The following CEP250 variants were observed in gnomAD, a reference collection of about 807,000 sequenced individuals.
CEP250 encodes the protein centrosome-associated protein CEP250.
A neutral mutation model predicts 315.7 loss-of-function variants in CEP250; 242 were observed. The ratio of observed to expected loss-of-function variants is 0.77; its 90% CI spans 0.69 to 0.85. The LOEUF is 0.85. Among genes scored for constraint, CEP250 ranks in the 40% least tolerant of loss-of-function variants. The pLI is 0.00. For synonymous variants in CEP250, 1,088 were observed against 1,175.0 expected (o/e 0.93, Z 1.51); for missense variants, 2,515 against 2,886.4 (o/e 0.87, Z 2.95).
intron 14 of CEP250, chr20:35,474,711 A>AT: frequency 2.2e-6 from 1 of 456,842 alleles, no homozygotes; most frequent in Non-Finnish European, 4.6e-6. Context: ...AAGGACTTTG[A>AT]GCTAGGCAGA....
At chr20:35,493,697 G>A (rs1601255848) in intron 23 of CEP250, 125 bp downstream of exon 23, 1 of 805,250 alleles carries the variant, frequency 1.2e-6, no homozygotes, top group Non-Finnish European at 1.8e-6. Flanking sequence ...AGATGGGTGG[G>A]CCACAGTACT....
chr20:35,472,568 C>T (rs1162194977), intron 11 of CEP250, 105 bp from the exon 12 acceptor site: 6 of 1,169,726 alleles, frequency 5.1e-6, no homozygotes, highest in Non-Finnish European at 7.5e-6. Context: ...GGGGAGAGGA[C>T]CTGAGAAGGA....
chr20:35,508,255 C>A, intron 32 of CEP250, 65 bp downstream of exon 32: 1 of 1,551,994 alleles, frequency 6.4e-7, no homozygotes, highest in Non-Finnish European at 8.8e-7. Flanking sequence ...AGAGCATAGG[C>A]TCAGTAAATT....
intron 17 of CEP250, 105 bp from the exon 18 acceptor site, chr20:35,479,126 G>C (rs1341927408): frequency 3.5e-6 from 4 of 1,128,028 alleles, no homozygotes; most frequent in African/African-American, 1.6e-5. Context: ...CGGGCTCACA[G>C]AGCTGGGTCC....
chr20:35,477,835 T>C, intron 16 of CEP250, 36 bp from the exon 17 acceptor site: 1 of 1,505,520 alleles, frequency 6.6e-7, no homozygotes, highest in Non-Finnish European at 9.0e-7. Flanking sequence ...CCATTTGTCT[T>C]TGATGCTTGT....
chr20:35,509,552 A>G (rs927385215), intron 33 of CEP250, among the ~76,000 whole-genome samples: 1 of 152,218 alleles, frequency 6.6e-6, no homozygotes, highest in Non-Finnish European at 1.5e-5. Context: ...ATCCCTGCCA[A>G]CAGACACAGG....
At chr20:35,476,670 G>A (rs554285469) in intron 16 of CEP250, 75 bp downstream of exon 16, 2 of 1,318,932 alleles carry the variant, frequency 1.5e-6, no homozygotes, top group African/African-American at 1.5e-5. Flanking sequence ...GCTCCCAAAT[G>A]TAGGTCTGAA....
At position 35,511,876 on chromosome 20, in the gene CEP250, G is replaced by A. The variant is rs778543141; in HGVS notation, c.*250G>A. 27 of 1,326,696 alleles carry A rather than the reference G, an allele frequency of 2.0e-5. No homozygotes were observed. The Middle Eastern group carries it at 1.1e-3, about 55-fold the overall frequency. 82.2% of individuals were successfully genotyped at this position (1,326,696 alleles called of 1,614,324 possible). On this transcript the variant is annotated 3_prime_UTR_variant, in exon 35 of 35. Transcript: ENST00000397527. ...CAGAGGGGTGCCTTGCCCTGGCTGA[G>A]GGACATGTACTGCCTCTCATCTAGA...
In CEP250 at chr20:35,482,381, C is replaced by A. The variant is rs544518826; in HGVS notation, c.2586+2236C>A. On this transcript the variant is annotated intron_variant, in intron 20 of 34. Coordinates refer to ENST00000397527, the MANE Select transcript of CEP250 (RefSeq NM_007186.6). ...AAGTAGCTGAGACCACAGGCGCTCA[C>A]CACCATGCCCGGCTAATTTTTTGTA... Among the ~76,000 whole-genome samples, 78 of 152,088 alleles carry A rather than the reference C, an allele frequency of 5.1e-4. 5 individuals are homozygous for A. The South Asian group carries it at 0.016, about 31-fold the overall frequency.
In CEP250 at chr20:35,511,494, C is replaced by T. The variant is rs769145886; in HGVS notation, c.7197C>T (p.Ala2399=). The T allele has an allele frequency of 2.5e-6, 4 of 1,614,070 alleles. No individual in the cohort carries two copies. Among genetic ancestry groups the T allele is most frequent in the Non-Finnish European group, 2.5e-6 (3 of 1,180,038 alleles). The change falls in exon 35 of 35, where the codon GCC becomes GCT. Residue 2399 remains alanine, a synonymous_variant. Coordinates refer to ENST00000397527, the MANE Select transcript of CEP250 (RefSeq NM_007186.6). ...TCTCACACTCACTTCTTGCCGTGGC[C>T]CAGGCCCCTGAGGCCACTGTCCTGG... ...HSLSHSLLAV[A]QAPEATVLEA...
chr20:35,494,373 A>T, intron 23 of CEP250, 151 bp from the exon 24 acceptor site: 1 of 987,144 alleles, frequency 1.0e-6, no homozygotes, highest in Non-Finnish European at 1.5e-6. Context: ...GTGGTTAAGA[A>T]CAGTGTGTAG....
intron 34 of CEP250, 134 bp from the exon 35 acceptor site, chr20:35,511,229 T>C (rs1036596476): frequency 2.8e-6 from 2 of 710,152 alleles, no homozygotes; most frequent in Non-Finnish European, 4.7e-6. Context: ...AGCCTGTTTC[T>C]GAGATTCGTG....
intron 2 of CEP250, among the ~76,000 whole-genome samples, chr20:35,459,558 G>A (rs2062708921): frequency 6.6e-6 from 1 of 151,928 alleles, no homozygotes; most frequent in Non-Finnish European, 1.5e-5. Context: ...TGGACCAGGG[G>A]GTGGCTGTCT....
intron 22 of CEP250, among the ~76,000 whole-genome samples, chr20:35,492,852 C>G (rs1197473935): frequency 6.6e-6 from 1 of 152,080 alleles, no homozygotes; most frequent in Admixed American, 6.6e-5. Context: ...CTCAGCCTCC[C>G]AAGTAGCTGG....
intron 30 of CEP250, among the ~76,000 whole-genome samples, chr20:35,505,794 C>G (rs2064170495): frequency 6.6e-6 from 1 of 150,816 alleles, no homozygotes; most frequent in African/African-American, 2.4e-5. Context: ...TTGCATGGGA[C>G]AGAGGGAGGA....
chr20:35,504,281 G>T lies in CEP250; in HGVS notation c.5912G>T (p.Gly1971Val). ...ARAEALQEAL[G>V]KAHAALQGKE... ...GCTGAGGCTCTGCAGGAGGCCCTTG[G>T]CAAGGCTCATGCTGCCCTGCAGGGG... Residue 1971 changes from glycine (G) to valine (V), a missense_variant, in exon 30 of 35, where the codon GGC (glycine) becomes GTC (valine). Physicochemically the swap from Gly to Val is moderately radical, Grantham distance 109. Coordinates refer to ENST00000397527, the MANE Select transcript of CEP250 (RefSeq NM_007186.6). 6.3e-7 allele frequency: 1 copy of T among 1,589,938 alleles called. No individual in the cohort carries two copies. The highest frequency in any genetic ancestry group is 1.1e-5 in the South Asian group (1 of 88,230).
intron 3 of CEP250, among the ~76,000 whole-genome samples, chr20:35,461,734 T>C (rs1470084735): frequency 6.6e-6 from 1 of 152,192 alleles, no homozygotes; most frequent in Non-Finnish European, 1.5e-5. Context: ...TGAAGTGTAA[T>C]GAGAAGGCAT....
rs1196436367 is a variant in CEP250, at chr20:35,512,634, T to G, written c.*1008T>G. ...CCCATGGACTGGTCCTAGTGGAGGC[T>G]GGACAGAACCCAGCTCACAGGCTTA... is the stretch of plus-strand genomic sequence containing the variant. On this transcript the variant is annotated 3_prime_UTR_variant, in exon 35 of 35. Coordinates refer to ENST00000397527, the MANE Select transcript of CEP250 (RefSeq NM_007186.6). 1 of 152,240 alleles carries G rather than the reference T, an allele frequency of 6.6e-6. No homozygotes were observed. Among genetic ancestry groups the G allele is most frequent in the African/African-American group, 2.4e-5 (1 of 41,458 alleles). The allele number at this position is 152,240 out of a possible 1,614,324, so 9.4% of individuals were successfully genotyped here. A position where few individuals can be genotyped will look rare whatever the true frequency, so the allele number is the denominator to read the frequency against.
intron 22 of CEP250, among the ~76,000 whole-genome samples, chr20:35,493,120 C>T (rs1850804054): frequency 6.6e-6 from 1 of 152,032 alleles, no homozygotes; most frequent in African/African-American, 2.4e-5. Flanking sequence ...GTATTCTCTA[C>T]TCTCCTGAGT....
Sources: gnomAD v4.1 joint callset for allele counts (sites outside exome capture counted in the v4.1 genomes callset) on GRCh38, gnomAD v4.1.1 for gene constraint, MANE v1.5 for transcripts, NCBI Gene and HGNC (gene_info 2026-07-23, HGNC 2026-07-21) for gene names.